Variants in PRKD1 observed in about 807,000 individuals in gnomAD.
PRKD1 encodes the protein protein kinase D1, also known as serine/threonine-protein kinase D1.
In PRKD1, 63 loss-of-function variants were observed where a neutral mutation model predicts 95.9. That is an observed-to-expected ratio of 0.66 (90% confidence interval 0.54 to 0.81). PRKD1 has a LOEUF of 0.81. Ranked by LOEUF, PRKD1 falls within the 30% of genes least tolerant of loss-of-function variation. The probability of loss-of-function intolerance (pLI) is 0.00; values close to 1 mark genes in which losing one functional copy is unlikely to be tolerated. For missense variants in PRKD1, 1,048 were observed against 1,165.3 expected (o/e 0.90, Z 1.47); for synonymous variants, 425 against 423.1 (o/e 1.00, Z -0.05).
intron 1 of PRKD1, among the ~76,000 whole-genome samples, chr14:29,898,486 GAATA>G (rs1346247454): frequency 1.3e-5 from 2 of 152,148 alleles, no homozygotes; most frequent in Non-Finnish European, 1.5e-5. Context: ...AACGTTTATG[GAATA>G]AATAAATTCC....
At chr14:29,818,936 G>A (rs1164001262) in intron 1 of PRKD1, among the ~76,000 whole-genome samples, 1 of 151,836 alleles carries the variant, frequency 6.6e-6, no homozygotes, top group African/African-American at 2.4e-5. Flanking sequence ...CTACCAGTTA[G>A]TTTAAGAAAA....
At position 29,676,177 on chromosome 14, in the gene PRKD1, G is replaced by GT. The variant is rs147308040; in HGVS notation, c.404-9970dup. ...GCTGTAGGCATGCATAGTTCATTAC[G>GT]TTTTTGTTTTTTTTTTTTTTTTTTT... On this transcript the variant is annotated intron_variant, in intron 2 of 17. Coordinates refer to ENST00000331968, the MANE Select transcript of PRKD1 (RefSeq NM_002742.3). Among the ~76,000 whole-genome samples, 71 of 104,692 alleles carry GT rather than the reference G, an allele frequency of 6.8e-4. 2 individuals are homozygous for GT. The highest frequency in any genetic ancestry group is 5.7e-3 in the Middle Eastern group (1 of 176). 68.7% of individuals were successfully genotyped at this position (104,692 alleles called of 152,430 possible). A position where few individuals can be genotyped will look rare whatever the true frequency, so the allele number is the denominator to read the frequency against.
chr14:29,696,675 C>G (rs1884536146), intron 2 of PRKD1, among the ~76,000 whole-genome samples: 1 of 152,106 alleles, frequency 6.6e-6, no homozygotes, highest in African/African-American at 2.4e-5. Context: ...TAAAACTTGG[C>G]AGGAAATAAA....
At chr14:29,701,596 T>C (rs138568663) in intron 2 of PRKD1, among the ~76,000 whole-genome samples, 17 of 152,334 alleles carry the variant, frequency 1.1e-4, no homozygotes, top group Admixed American at 8.5e-4. Context: ...CTTGTTATTT[T>C]TTTGAATAAT....
intron 1 of PRKD1, among the ~76,000 whole-genome samples, chr14:29,741,785 A>G (rs940146125): frequency 6.6e-6 from 1 of 152,164 alleles, no homozygotes; most frequent in Non-Finnish European, 1.5e-5. Context: ...TTTTACTGAC[A>G]CTTATATTCA....
At chr14:29,843,307 T>C (rs1594570150) in intron 1 of PRKD1, among the ~76,000 whole-genome samples, 1 of 152,202 alleles carries the variant, frequency 6.6e-6, no homozygotes. Flanking sequence ...CTTGATCTTG[T>C]ACTTCTAGGC....
chr14:29,744,593 C>G lies in PRKD1; in HGVS notation c.265-18919G>C, dbSNP rs1486238905. 2.0e-5 allele frequency among the ~76,000 whole-genome samples: 3 copies of G among 152,060 alleles called. 1 individual carries two copies. In the East Asian group the frequency reaches 5.8e-4, roughly 29 times the overall value. On this transcript the variant is annotated intron_variant, in intron 1 of 17. Coordinates refer to ENST00000331968, the MANE Select transcript of PRKD1 (RefSeq NM_002742.3). ...CAGAATTTCACCCTTTTTGCCCAGG[C>G]TGGGGTGCAATGGCGTGATCTCAGC...
rs1310237149 is a variant in PRKD1, at chr14:29,826,826, T to TACACACAC, written c.264+100422_264+100423insGTGTGTGT. Reference sequence around the variant, plus strand: ...ACACATATATATACACATATATATATATATATATATATACACACATATATA... The same window carrying TACACACAC: ...ACACATATATATACACATATATATATACACACACATATATATATATACACACATATATA... On this transcript the variant is annotated intron_variant, in intron 1 of 17. Transcript: ENST00000331968. Among the ~76,000 whole-genome samples the TACACACAC allele has an allele frequency of 6.1e-4, 13 of 21,198 alleles. 2 individuals carry two copies. Among genetic ancestry groups the TACACACAC allele is most frequent in the African/African-American group, 2.9e-3 (13 of 4,540 alleles). 13.9% of individuals were successfully genotyped at this position (21,198 alleles called of 152,430 possible). A position where few individuals can be genotyped will look rare whatever the true frequency, so the allele number is the denominator to read the frequency against.
chr14:29,726,482 A>G (rs1487739655), intron 1 of PRKD1, among the ~76,000 whole-genome samples: 1 of 152,188 alleles, frequency 6.6e-6, no homozygotes. Flanking sequence ...AAACTCAGGG[A>G]AAAAGAAAAT....
At chr14:29,726,139 G>A (rs1190330812) in intron 1 of PRKD1, among the ~76,000 whole-genome samples, 1 of 151,898 alleles carries the variant, frequency 6.6e-6, no homozygotes, top group Admixed American at 6.6e-5. Flanking sequence ...AATAAGAGAT[G>A]CCTCAATAAA....
intron 1 of PRKD1, among the ~76,000 whole-genome samples, chr14:29,777,882 A>G (rs1888846049): frequency 1.3e-5 from 2 of 152,174 alleles, no homozygotes; most frequent in South Asian, 2.1e-4. Flanking sequence ...AAAATTGACC[A>G]CAAAGTTGGA....
At chr14:29,826,840 C>CATATAT (rs1460691728) in intron 1 of PRKD1, among the ~76,000 whole-genome samples, 1 of 15,450 alleles carries the variant, frequency 6.5e-5, no homozygotes, top group Non-Finnish European at 1.2e-4. Context: ...TATATATATA[C>CATATAT]ACACATATAT....
At chr14:29,637,242 G>C (rs1253344374) in intron 6 of PRKD1, among the ~76,000 whole-genome samples, 1 of 152,174 alleles carries the variant, frequency 6.6e-6, no homozygotes, top group Non-Finnish European at 1.5e-5. Context: ...CTTACTATTG[G>C]AGTAACTTTG....
At chr14:29,780,448 A>G (rs1016133649) in intron 1 of PRKD1, among the ~76,000 whole-genome samples, 4 of 152,162 alleles carry the variant, frequency 2.6e-5, no homozygotes, top group Non-Finnish European at 4.4e-5. Flanking sequence ...ACAAGAAAAC[A>G]TCGAACAACC....
At chr14:29,920,087 G>C (rs991525180) in intron 1 of PRKD1, among the ~76,000 whole-genome samples, 1 of 138,044 alleles carries the variant, frequency 7.2e-6, no homozygotes, top group African/African-American at 2.8e-5. Flanking sequence ...GAAGGAAGGA[G>C]AAAAGAAAAG....
intron 13 of PRKD1, among the ~76,000 whole-genome samples, chr14:29,606,772 C>T (rs911408031): frequency 6.6e-6 from 1 of 152,140 alleles, no homozygotes; most frequent in African/African-American, 2.4e-5. Flanking sequence ...ATGATAATGA[C>T]CACTGTACCT....
chr14:29,869,102 T>C (rs565534422), intron 1 of PRKD1, among the ~76,000 whole-genome samples: 1 of 152,206 alleles, frequency 6.6e-6, no homozygotes, highest in African/African-American at 2.4e-5. Context: ...ACATCAAGCA[T>C]ACAAAGATGA....
At chr14:29,644,938 G>A (rs1337578275) in intron 4 of PRKD1, among the ~76,000 whole-genome samples, 1 of 151,618 alleles carries the variant, frequency 6.6e-6, no homozygotes, top group Non-Finnish European at 1.5e-5. Context: ...CACTTTACAT[G>A]GATTTCATTT....
At chr14:29,893,319 TTAA>T (rs1187839183) in intron 1 of PRKD1, among the ~76,000 whole-genome samples, 1 of 151,968 alleles carries the variant, frequency 6.6e-6, no homozygotes, top group Non-Finnish European at 1.5e-5. Context: ...AATAAAGATG[TTAA>T]TAACCAAAGT....
Sources: gnomAD v4.1 joint callset for allele counts (sites outside exome capture counted in the v4.1 genomes callset) on GRCh38, gnomAD v4.1.1 for gene constraint, MANE v1.5 for transcripts, NCBI Gene and HGNC (gene_info 2026-07-23, HGNC 2026-07-21) for gene names.